The following PALMD variants were observed in gnomAD, a reference collection of about 807,000 sequenced individuals.
PALMD encodes paralemmin-like protein.
A neutral mutation model predicts 56.2 loss-of-function variants in PALMD; 42 were observed. That is an observed-to-expected ratio of 0.75 (90% CI 0.58 to 0.97). The LOEUF (loss-of-function observed/expected upper bound fraction) is 0.97, where lower values mean the gene tolerates loss of function less well. PALMD is among the 50% of genes least tolerant of loss of function. The pLI is 0.00. For synonymous variants in PALMD, 242 were observed against 222.9 expected (o/e 1.09, Z -0.76); for missense variants, 660 against 643.8 (o/e 1.03, Z -0.27).
intron 1 of PALMD, among the ~76,000 whole-genome samples, chr1:99,656,027 T>C (rs1187719546): frequency 1.3e-5 from 2 of 152,194 alleles, no homozygotes; most frequent in Non-Finnish European, 2.9e-5. Flanking sequence ...CCTGAATTTT[T>C]ACCTTATTTA....
chr1:99,674,914 A>G (rs1412179617), intron 3 of PALMD, among the ~76,000 whole-genome samples: 1 of 152,250 alleles, frequency 6.6e-6, no homozygotes, highest in Non-Finnish European at 1.5e-5. Context: ...GCTGCCTGCC[A>G]CCAGGCCTAG....
intron 7 of PALMD, among the ~76,000 whole-genome samples, chr1:99,693,635 T>C (rs544233231): frequency 9.9e-5 from 15 of 152,208 alleles, no homozygotes; most frequent in African/African-American, 3.4e-4. Context: ...TGAAATAGAG[T>C]TTAAGTGTAA....
In PALMD at chr1:99,652,684, G is replaced by GAAAAGAAAA. The variant is rs1557666477; in HGVS notation, c.45+6322_45+6323insAAAAGAAAA. ...AGAAAGGAAAGGAAAGGAAAGGAAA[G>GAAAAGAAAA]GAAAGGAAAGGAAAAGAAAAGAAAA... On this transcript the variant is annotated intron_variant, in intron 1 of 7. Coordinates refer to ENST00000263174, the MANE Select transcript of PALMD (RefSeq NM_017734.5). 9.9e-5 allele frequency among the ~76,000 whole-genome samples: 7 copies of GAAAAGAAAA among 70,936 alleles called. No homozygotes were observed. The East Asian group carries it at 2.4e-3, about 24-fold the overall frequency. The allele number at this position is 70,936 out of a possible 152,430, so 46.5% of individuals were successfully genotyped here.
At chr1:99,682,919 T>A (rs1204062543) in intron 3 of PALMD, among the ~76,000 whole-genome samples, 1 of 151,414 alleles carries the variant, frequency 6.6e-6, no homozygotes, top group Non-Finnish European at 1.5e-5. Flanking sequence ...GTCAGGAGAA[T>A]CGCTCGAACC....
At chr1:99,653,531 AT>A (rs1652644150) in intron 1 of PALMD, among the ~76,000 whole-genome samples, 1 of 152,188 alleles carries the variant, frequency 6.6e-6, no homozygotes, top group Admixed American at 6.5e-5. Context: ...GTGCTTTTTA[AT>A]TCACCCCATA....
chr1:99,671,311 T>C (rs116112966), intron 3 of PALMD, among the ~76,000 whole-genome samples: 1,634 of 152,304 alleles, frequency 0.011, 31 homozygotes, highest in African/African-American at 0.037. Context: ...TGAACTGAAA[T>C]AGCGTTGCCT....
At chr1:99,650,851 C>A (rs925765753) in intron 1 of PALMD, among the ~76,000 whole-genome samples, 1 of 152,082 alleles carries the variant, frequency 6.6e-6, no homozygotes, top group Non-Finnish European at 1.5e-5. Flanking sequence ...TCTATCTGAA[C>A]AAATAAGAGA....
Position 99,646,236 on chromosome 1 carries a change from C to A in PALMD, c.-82C>A. On this transcript the variant is annotated 5_prime_UTR_variant, in exon 1 of 8. Coordinates refer to ENST00000263174, the MANE Select transcript of PALMD (RefSeq NM_017734.5). ...TTCTCCCTGCTTCTCTTCTGTCACC[C>A]CCGCTCCTCTCCCCCAGGAGGCTCC... The A allele has an allele frequency of 9.3e-7, 1 of 1,079,238 alleles. No individual in the cohort carries two copies. The highest frequency in any genetic ancestry group is 1.4e-6 in the Non-Finnish European group (1 of 694,500). 66.9% of individuals were successfully genotyped at this position (1,079,238 alleles called of 1,614,324 possible).
chr1:99,658,707 C>T (rs1652783012), intron 1 of PALMD, among the ~76,000 whole-genome samples: 2 of 151,522 alleles, frequency 1.3e-5, no homozygotes, highest in Non-Finnish European at 2.9e-5. Flanking sequence ...GGAGGCGGAG[C>T]TTGCAGTGAG....
chr1:99,676,332 T>C (rs186639410), intron 3 of PALMD, among the ~76,000 whole-genome samples: 213 of 152,306 alleles, frequency 1.4e-3, no homozygotes, highest in African/African-American at 5.0e-3. Context: ...TATTGGATAG[T>C]TTTTGTTCTC....
chr1:99,671,411 T>C (rs1653085316), intron 3 of PALMD, among the ~76,000 whole-genome samples: 2 of 152,022 alleles, frequency 1.3e-5, no homozygotes, highest in Admixed American at 6.5e-5. Flanking sequence ...TTGCCTGTAA[T>C]GTGAGACAGT....
chr1:99,647,683 G>C (rs941237237), intron 1 of PALMD, among the ~76,000 whole-genome samples: 4 of 152,202 alleles, frequency 2.6e-5, no homozygotes, highest in African/African-American at 9.7e-5. Flanking sequence ...TTTTTGGCAT[G>C]GGCCTTTTAC....
At chr1:99,655,348 C>A (rs1242557405) in intron 1 of PALMD, among the ~76,000 whole-genome samples, 1 of 151,250 alleles carries the variant, frequency 6.6e-6, no homozygotes. Flanking sequence ...ACCGTCTTAA[C>A]CTTCATCATC....
rs773573071 is a variant in PALMD at position 99,689,563 on chromosome 1, G to A, written c.1303G>A (p.Gly435Arg). ...TGAAGAAGATAAGAAGTTTCTGACAGGATATGATGGGATCATCCATGCTGA... is the reference window on the plus strand; with the variant it reads ...TGAAGAAGATAAGAAGTTTCTGACAAGATATGATGGGATCATCCATGCTGA... ...DSEEDKKFLT[G>R]YDGIIHAELV... Residue 435 changes from glycine (G) to arginine (R), a missense_variant, in exon 7 of 8, where the codon GGA becomes AGA. Gly to Arg is a moderately radical substitution (Grantham distance 125, BLOSUM62 -2). Coordinates refer to ENST00000263174, the MANE Select transcript of PALMD (RefSeq NM_017734.5). The A allele has an allele frequency of 6.2e-7, 1 of 1,613,628 alleles. No individual in the cohort carries two copies. Among genetic ancestry groups the A allele is most frequent in the Non-Finnish European group, 8.5e-7 (1 of 1,179,842 alleles).
intron 1 of PALMD, among the ~76,000 whole-genome samples, chr1:99,658,501 G>T (rs1297264742): frequency 6.6e-6 from 1 of 152,016 alleles, no homozygotes; most frequent in Non-Finnish European, 1.5e-5. Context: ...GCCGGGCACG[G>T]TGGCTCATGC....
intron 1 of PALMD, among the ~76,000 whole-genome samples, chr1:99,648,728 C>T (rs1482252067): frequency 1.3e-5 from 2 of 151,828 alleles, no homozygotes; most frequent in Non-Finnish European, 2.9e-5. Flanking sequence ...TCTCCAATTG[C>T]TGGCTATAAA....
At chr1:99,680,915 C>T (rs148511611) in intron 3 of PALMD, among the ~76,000 whole-genome samples, 3,743 of 151,744 alleles carry the variant, frequency 0.025, 146 homozygotes, top group African/African-American at 0.086. Flanking sequence ...ATGTGCTGTC[C>T]TTTTTTCCAA....
intron 7 of PALMD, 76 bp from the exon 8 acceptor site, chr1:99,693,943 C>T: frequency 1.0e-6 from 1 of 960,546 alleles, no homozygotes; most frequent in South Asian, 1.4e-5. Context: ...AACTTTCCTG[C>T]ATTCTATGAA....
chr1:99,687,097 C>T lies in PALMD; in HGVS notation c.422C>T (p.Ala141Val). ...ACAGAGTCAATTGAGGACATCTATG[C>T]TAATATCCCTGACCTTCCAAAGTCC... ...RAEESIEDIY[A>V]NIPDLPKSYI... Residue 141 changes from alanine (A) to valine (V), a missense_variant, in exon 6 of 8, where the codon GCT becomes GTT. By Grantham distance (64) the Ala-to-Val change is moderately conservative (BLOSUM62 0). Coordinates refer to ENST00000263174, the MANE Select transcript of PALMD (RefSeq NM_017734.5). 6.3e-7 allele frequency: 1 copy of T among 1,598,078 alleles called. No homozygotes were observed. Among genetic ancestry groups the T allele is most frequent in the African/African-American group, 1.3e-5 (1 of 74,478 alleles).
Sources: gnomAD v4.1 joint callset for allele counts (sites outside exome capture counted in the v4.1 genomes callset) on GRCh38, gnomAD v4.1.1 for gene constraint, MANE v1.5 for transcripts, NCBI Gene and HGNC (gene_info 2026-07-23, HGNC 2026-07-21) for gene names.